Variants in LRRC37A2 observed in about 807,000 individuals in gnomAD.
The protein encoded by LRRC37A2 is leucine-rich repeat-containing protein 37A2.
LRRC37A2 carries 9 observed loss-of-function variants against 68.8 expected under a neutral mutation model. That is an observed-to-expected ratio of 0.13 (90% CI 0.08 to 0.23). The LOEUF (loss-of-function observed/expected upper bound fraction) is 0.23. Among genes scored for constraint, LRRC37A2 ranks in the 10% least tolerant of loss-of-function variants. The pLI is 1.00. For synonymous variants in LRRC37A2, 63 were observed against 367.6 expected, an observed-to-expected ratio of 0.17 and a Z score of 9.48; for missense variants, 168 against 950.4, an observed-to-expected ratio of 0.18 and a Z score of 10.82.
chr17:46,928,417 C>T, the LRRC37A2 span, among the ~76,000 whole-genome samples: 4 of 152,086 alleles, frequency 2.6e-5, no homozygotes, highest in African/African-American at 9.7e-5. Flanking sequence ...TCCAGCAGGC[C>T]CCCTTCATGT....
the LRRC37A2 span, among the ~76,000 whole-genome samples, chr17:46,963,347 C>T: frequency 1.6e-4 from 25 of 152,040 alleles, no homozygotes; most frequent in Non-Finnish European, 3.2e-4. Flanking sequence ...GAGTTTGAGA[C>T]CAGCCTGAAC....
At chr17:47,024,544 T>C in the LRRC37A2 span, 13 of 709,102 alleles carry the variant, frequency 1.8e-5, no homozygotes, top group East Asian at 2.8e-4. Flanking sequence ...AAGAAAAGGT[T>C]TGAATGAAAG....
intron 8 of LRRC37A2, among the ~76,000 whole-genome samples, 196 bp downstream of exon 7, chr17:46,541,077 ATG>A (rs2055223472): frequency 8.0e-6 from 1 of 124,782 alleles, no homozygotes; most frequent in Non-Finnish European, 1.6e-5. Flanking sequence ...AGCATTTCTG[ATG>A]CCTCAAAAAG....
At chr17:46,795,215 C>T in the LRRC37A2 span, among the ~76,000 whole-genome samples, 1 of 152,184 alleles carries the variant, frequency 6.6e-6, no homozygotes, top group Non-Finnish European at 1.5e-5. Flanking sequence ...CCCATAAACA[C>T]CCTCTGGAAT....
chr17:46,382,334 C>T, the LRRC37A2 span, among the ~76,000 whole-genome samples: 191 of 79,924 alleles, frequency 2.4e-3, no homozygotes, highest in Non-Finnish European at 8.8e-4. Context: ...CTTTGTATTG[C>T]TCCTTTTTTT....
At chr17:46,921,920 T>C in the LRRC37A2 span, among the ~76,000 whole-genome samples, 1 of 152,206 alleles carries the variant, frequency 6.6e-6, no homozygotes, top group African/African-American at 2.4e-5. Flanking sequence ...TGGAAGACAG[T>C]GTGGAGATTT....
the LRRC37A2 span, among the ~76,000 whole-genome samples, chr17:47,041,452 CTTTTTT>C: frequency 3.0e-4 from 11 of 36,470 alleles, no homozygotes; most frequent in East Asian, 1.6e-3. Flanking sequence ...TTGGATGTCT[CTTTTTT>C]TTTTTTTTTT....
chr17:46,865,504 G>T, the LRRC37A2 span, among the ~76,000 whole-genome samples: 1 of 152,200 alleles, frequency 6.6e-6, no homozygotes, highest in Admixed American at 6.5e-5. Context: ...GAGGGTGAGA[G>T]CTGGGTAGGG....
the LRRC37A2 span, among the ~76,000 whole-genome samples, chr17:46,981,421 CCT>C: frequency 6.6e-6 from 1 of 152,124 alleles, no homozygotes; most frequent in African/African-American, 2.4e-5. Context: ...GAGTTCCACC[CCT>C]CTTTCTCTTT....
At chr17:46,900,624 G>A in the LRRC37A2 span, among the ~76,000 whole-genome samples, 6 of 152,232 alleles carry the variant, frequency 3.9e-5, no homozygotes, top group Non-Finnish European at 8.8e-5. Context: ...TGGAGAAGGA[G>A]CAGCATTTAG....
chr17:46,979,055 G>A, the LRRC37A2 span: 2 of 1,335,414 alleles, frequency 1.5e-6, no homozygotes, highest in African/African-American at 3.1e-5. Context: ...GGTGCACTGG[G>A]CTGCTCGCCG....
At chr17:46,953,003 C>A in the LRRC37A2 span, among the ~76,000 whole-genome samples, 1 of 151,848 alleles carries the variant, frequency 6.6e-6, no homozygotes, top group African/African-American at 2.4e-5. Flanking sequence ...TCTGAGCCCC[C>A]CAAATTCTTT....
the LRRC37A2 span, chr17:46,941,385 C>A: frequency 2.0e-6 from 2 of 980,634 alleles, no homozygotes; most frequent in African/African-American, 3.5e-5. Context: ...TAAAAGAATT[C>A]GATATTCATT....
At chr17:46,992,241 A>T in the LRRC37A2 span, among the ~76,000 whole-genome samples, 1 of 151,938 alleles carries the variant, frequency 6.6e-6, no homozygotes, top group Non-Finnish European at 1.5e-5. Context: ...AGTGGTACAC[A>T]CCTGTAATCC....
chr17:46,408,325 AAGAT>A, the LRRC37A2 span, among the ~76,000 whole-genome samples: 1 of 51,446 alleles, frequency 1.9e-5, no homozygotes, highest in African/African-American at 4.5e-5. Context: ...AAAAAAAAAA[AAGAT>A]ACTGCTGCTG....
the LRRC37A2 span, chr17:46,929,380 G>A: frequency 1.4e-6 from 1 of 696,070 alleles, no homozygotes; most frequent in Non-Finnish European, 2.6e-6. Context: ...GGGACCTAAA[G>A]TGCCACATAC....
chr17:46,858,004 A>T, the LRRC37A2 span, among the ~76,000 whole-genome samples: 1 of 152,168 alleles, frequency 6.6e-6, no homozygotes, highest in Non-Finnish European at 1.5e-5. Context: ...ATCTTGGCTA[A>T]CTGCAACCTC....
chr17:46,738,946 A>G, the LRRC37A2 span, among the ~76,000 whole-genome samples: 1 of 151,500 alleles, frequency 6.6e-6, no homozygotes, highest in Non-Finnish European at 1.5e-5. Flanking sequence ...TACTAAAAAT[A>G]CAAAAAAGTC....
the LRRC37A2 span, among the ~76,000 whole-genome samples, chr17:46,889,092 G>A: frequency 6.6e-6 from 1 of 152,084 alleles, no homozygotes. Context: ...CATTTCTTCT[G>A]ACTCTGCAGA....
Sources: gnomAD v4.1 joint callset for allele counts (sites outside exome capture counted in the v4.1 genomes callset) on GRCh38, gnomAD v4.1.1 for gene constraint, MANE v1.5 for transcripts, NCBI Gene and HGNC (gene_info 2026-07-23, HGNC 2026-07-21) for gene names.